SHISA9: variants seen among roughly 807,000 people sequenced by gnomAD.
SHISA9 encodes protein shisa-9.
SHISA9 carries 13 observed loss-of-function variants against 38.0 expected under a neutral mutation model. The ratio of observed to expected loss-of-function variants is 0.34; its 90% CI spans 0.22 to 0.54. The LOEUF is 0.54. SHISA9 is among the 20% of genes least tolerant of loss of function. The probability of loss-of-function intolerance (pLI) is 0.91; values close to 1 mark genes in which losing one functional copy is unlikely to be tolerated. For missense variants in SHISA9, 538 were observed against 575.8 expected (o/e 0.93, Z 0.67); for synonymous variants, 275 against 242.0 (o/e 1.14, Z -1.27).
At chr16:13,304,480 A>C in the SHISA9 span, among the ~76,000 whole-genome samples, 2 of 152,086 alleles carry the variant, frequency 1.3e-5, no homozygotes, top group Non-Finnish European at 2.9e-5. Context: ...CTGGTCTTGA[A>C]TTCCTGGGTT....
intron 2 of SHISA9, among the ~76,000 whole-genome samples, chr16:13,032,004 CTT>C (rs200868558): frequency 6.8e-6 from 1 of 147,474 alleles, no homozygotes; most frequent in Non-Finnish European, 1.5e-5. Context: ...CAACTTTCAA[CTT>C]TTTTTTTTTT....
chr16:13,240,528 T>C (rs1469312589), downstream of SHISA9: 3 of 152,194 alleles, frequency 2.0e-5, no homozygotes, highest in Non-Finnish European at 4.4e-5. Context: ...TCAGAATATA[T>C]GGGAAGTTGT....
At chr16:13,375,276 G>A in the SHISA9 span, among the ~76,000 whole-genome samples, 1 of 152,136 alleles carries the variant, frequency 6.6e-6, no homozygotes, top group Non-Finnish European at 1.5e-5. Flanking sequence ...TATTGCCTAG[G>A]TTTTCTTCCA....
At chr16:13,280,320 C>G in the SHISA9 span, among the ~76,000 whole-genome samples, 1 of 151,410 alleles carries the variant, frequency 6.6e-6, no homozygotes, top group Non-Finnish European at 1.5e-5. Flanking sequence ...TATATTATTT[C>G]TTTCTATCTA....
intron 2 of SHISA9, among the ~76,000 whole-genome samples, chr16:13,077,124 T>G (rs2073591576): frequency 6.6e-6 from 1 of 152,190 alleles, no homozygotes; most frequent in South Asian, 2.1e-4. Flanking sequence ...GGACCAGGAC[T>G]AAGATCATTA....
At chr16:13,436,314 C>T in the SHISA9 span, among the ~76,000 whole-genome samples, 3 of 152,250 alleles carry the variant, frequency 2.0e-5, no homozygotes, top group Non-Finnish European at 4.4e-5. Flanking sequence ...GCCATTCTCA[C>T]TGGTCATTAT....
chr16:13,537,448 G>A, the SHISA9 span, among the ~76,000 whole-genome samples: 3 of 151,308 alleles, frequency 2.0e-5, no homozygotes, highest in Non-Finnish European at 4.4e-5. Context: ...AAGAAAGAAA[G>A]AAAAAATTTT....
At chr16:12,940,553 CAG>C (rs1276041048) in intron 2 of SHISA9, among the ~76,000 whole-genome samples, 1 of 152,266 alleles carries the variant, frequency 6.6e-6, no homozygotes, top group East Asian at 1.9e-4. Flanking sequence ...GGGAAAGACA[CAG>C]AGGCAGAAGC....
chr16:13,396,239 G>A, the SHISA9 span, among the ~76,000 whole-genome samples: 1 of 152,202 alleles, frequency 6.6e-6, no homozygotes, highest in Non-Finnish European at 1.5e-5. Flanking sequence ...GGATGCAATG[G>A]CTCACGCCTG....
intron 2 of SHISA9, among the ~76,000 whole-genome samples, chr16:13,022,698 C>T (rs1423422711): frequency 6.6e-6 from 1 of 152,122 alleles, no homozygotes; most frequent in East Asian, 1.9e-4. Flanking sequence ...AACTCCTGGG[C>T]TCAAGTGATC....
At chr16:13,034,002 C>T (rs900034795) in intron 2 of SHISA9, among the ~76,000 whole-genome samples, 1 of 152,046 alleles carries the variant, frequency 6.6e-6, no homozygotes, top group Non-Finnish European at 1.5e-5. Flanking sequence ...GAAGATTAGC[C>T]AGGTGTGGTG....
chr16:13,027,926 TCAAAAA>T (rs2072943506), intron 2 of SHISA9, among the ~76,000 whole-genome samples: 1 of 30,386 alleles, frequency 3.3e-5, no homozygotes, highest in African/African-American at 1.6e-4. Context: ...AAGCTCTGTC[TCAAAAA>T]CAAAAAAAAA....
At chr16:13,089,390 T>C (rs60767569) in intron 2 of SHISA9, among the ~76,000 whole-genome samples, 9,329 of 152,258 alleles carry the variant, frequency 0.061, 934 homozygotes, top group African/African-American at 0.21. Flanking sequence ...CAGCTCCTCT[T>C]TGTACCTCTG....
chr16:12,983,325 A>G (rs1181168749), intron 2 of SHISA9, among the ~76,000 whole-genome samples: 2 of 152,128 alleles, frequency 1.3e-5, no homozygotes, highest in African/African-American at 4.8e-5. Context: ...AACCTCTTGG[A>G]ACCTTGGTTT....
At chr16:12,999,250 G>C (rs1237714546) in intron 2 of SHISA9, among the ~76,000 whole-genome samples, 1 of 151,984 alleles carries the variant, frequency 6.6e-6, no homozygotes, top group Non-Finnish European at 1.5e-5. Context: ...CCAACAGAAA[G>C]AACAAAAATG....
intron 2 of SHISA9, among the ~76,000 whole-genome samples, chr16:13,046,553 T>C (rs1212968129): frequency 6.6e-6 from 1 of 152,206 alleles, no homozygotes; most frequent in African/African-American, 2.4e-5. Flanking sequence ...AGAGAATCAA[T>C]ATTCTGTGCA....
At chr16:13,123,959 C>G (rs1258949219) in intron 2 of SHISA9, among the ~76,000 whole-genome samples, 1 of 152,200 alleles carries the variant, frequency 6.6e-6, no homozygotes, top group African/African-American at 2.4e-5. Flanking sequence ...GCTTTGCACA[C>G]AACTGGCACT....
chr16:13,149,664 C>A (rs2050480000), intron 2 of SHISA9, among the ~76,000 whole-genome samples: 1 of 152,036 alleles, frequency 6.6e-6, no homozygotes, highest in South Asian at 2.1e-4. Context: ...GTGGGTCACA[C>A]CTGTAATCCC....
the SHISA9 span, among the ~76,000 whole-genome samples, chr16:13,271,235 T>C: frequency 6.6e-6 from 1 of 152,082 alleles, no homozygotes; most frequent in South Asian, 2.1e-4. Flanking sequence ...GTAACATCAG[T>C]GTAGAGAGAA....
Sources: allele counts gnomAD v4.1 joint callset (sites outside exome capture counted in the v4.1 genomes callset), GRCh38; gene constraint gnomAD v4.1.1; transcripts MANE v1.5; gene names NCBI Gene and HGNC (gene_info 2026-07-23, HGNC 2026-07-21).